Variants in PCDH9 observed in about 807,000 individuals in gnomAD.
PCDH9 encodes the protein protocadherin-9.
In PCDH9, 24 loss-of-function variants were observed where a neutral mutation model predicts 70.6. The observed-to-expected ratio is 0.34, with a 90% CI of 0.25 to 0.48. The LOEUF (loss-of-function observed/expected upper bound fraction) is 0.48. Among genes scored for constraint, PCDH9 ranks in the 20% least tolerant of loss-of-function variants. PCDH9 has a pLI of 0.99. For synonymous variants in PCDH9, 562 were observed against 558.5 expected (o/e 1.01, Z -0.09); for missense variants, 1,281 against 1,503.6 (o/e 0.85, Z 2.45).
At chr13:67,100,755 C>T (rs2086415877) in intron 2 of PCDH9, among the ~76,000 whole-genome samples, 1 of 152,134 alleles carries the variant, frequency 6.6e-6, no homozygotes, top group Non-Finnish European at 1.5e-5. Context: ...GAATTTCATT[C>T]CTTGGTTGCT....
At chr13:66,970,504 G>T (rs1169448357) in intron 2 of PCDH9, among the ~76,000 whole-genome samples, 4 of 151,378 alleles carry the variant, frequency 2.6e-5, no homozygotes, top group Non-Finnish European at 4.4e-5. Context: ...ATCAGGTGTA[G>T]TGATGCATGT....
At chr13:66,745,392 G>C (rs775132060) in intron 3 of PCDH9, among the ~76,000 whole-genome samples, 3 of 152,184 alleles carry the variant, frequency 2.0e-5, no homozygotes, top group Non-Finnish European at 4.4e-5. Context: ...AATGTGACCG[G>C]AATAATATGC....
chr13:66,347,969 C>A (rs1024544896), intron 4 of PCDH9, among the ~76,000 whole-genome samples: 1 of 152,208 alleles, frequency 6.6e-6, no homozygotes, highest in African/African-American at 2.4e-5. Flanking sequence ...ATTCAAATAG[C>A]AGCCTTTCTT....
At chr13:66,990,728 T>C (rs897301078) in intron 2 of PCDH9, among the ~76,000 whole-genome samples, 1 of 151,480 alleles carries the variant, frequency 6.6e-6, no homozygotes, top group African/African-American at 2.4e-5. Context: ...GAGGGTAAAG[T>C]AGATGTTTCC....
chr13:66,591,360 T>C (rs1032155212), intron 4 of PCDH9, among the ~76,000 whole-genome samples: 1 of 151,650 alleles, frequency 6.6e-6, no homozygotes, highest in African/African-American at 2.4e-5. Flanking sequence ...ATCTGGATTT[T>C]TCTAATACTG....
At chr13:66,888,705 G>C in intron 3 of PCDH9, among the ~76,000 whole-genome samples, 1 of 152,014 alleles carries the variant, frequency 6.6e-6, no homozygotes, top group East Asian at 1.9e-4. Flanking sequence ...TCAGAAAAAG[G>C]AGGCAGAGAA....
At chr13:66,456,300 G>T (rs1594010572) in intron 4 of PCDH9, among the ~76,000 whole-genome samples, 1 of 152,112 alleles carries the variant, frequency 6.6e-6, no homozygotes, top group South Asian at 2.1e-4. Context: ...TGGCTGTGTT[G>T]TCCCAGCCTG....
At chr13:67,144,402 G>A (rs1037272231) in intron 2 of PCDH9, among the ~76,000 whole-genome samples, 6 of 152,080 alleles carry the variant, frequency 3.9e-5, no homozygotes, top group African/African-American at 7.2e-5. Flanking sequence ...ATATCCTGTC[G>A]TTGGAACTGT....
At chr13:66,436,857 GTT>G (rs35606785) in intron 4 of PCDH9, among the ~76,000 whole-genome samples, 5,735 of 151,928 alleles carry the variant, frequency 0.038, 341 homozygotes, top group African/African-American at 0.13. Context: ...AGTGTGCCAA[GTT>G]TTTTTATTGA....
chr13:66,837,903 C>T (rs1446106471), intron 3 of PCDH9, among the ~76,000 whole-genome samples: 1 of 151,918 alleles, frequency 6.6e-6, no homozygotes, highest in African/African-American at 2.4e-5. Context: ...TCTTCCTCTC[C>T]CATTTCAATC....
chr13:66,608,144 A>AC (rs2077244538), intron 4 of PCDH9, among the ~76,000 whole-genome samples: 2 of 150,980 alleles, frequency 1.3e-5, no homozygotes, highest in South Asian at 4.2e-4. Flanking sequence ...AAAACACAAG[A>AC]GAGATATATG....
At chr13:67,194,585 T>C (rs2089009025) in intron 2 of PCDH9, among the ~76,000 whole-genome samples, 1 of 152,164 alleles carries the variant, frequency 6.6e-6, no homozygotes, top group African/African-American at 2.4e-5. Context: ...CAAATAAAAG[T>C]CGGATCATGT....
intron 4 of PCDH9, among the ~76,000 whole-genome samples, chr13:66,329,709 C>A (rs983735435): frequency 1.3e-5 from 2 of 152,120 alleles, no homozygotes; most frequent in Non-Finnish European, 2.9e-5. Context: ...TCTTAATAGA[C>A]TAATGTGTGC....
At chr13:66,498,613 A>G (rs1186426665) in intron 4 of PCDH9, among the ~76,000 whole-genome samples, 1 of 152,192 alleles carries the variant, frequency 6.6e-6, no homozygotes, top group African/African-American at 2.4e-5. Context: ...GCCATATATA[A>G]TTCCCAACCC....
At chr13:66,830,313 A>C (rs2139405189) in intron 3 of PCDH9, among the ~76,000 whole-genome samples, 1 of 152,262 alleles carries the variant, frequency 6.6e-6, no homozygotes, top group African/African-American at 2.4e-5. Flanking sequence ...AGGCTGCTTC[A>C]TTTGGGGCAC....
chr13:66,655,929 A>G (rs2077922253), intron 3 of PCDH9, among the ~76,000 whole-genome samples: 1 of 152,046 alleles, frequency 6.6e-6, no homozygotes, highest in South Asian at 2.1e-4. Context: ...AATGGAAAAC[A>G]ATTAACACAG....
chr13:66,980,119 T>A (rs1176113936), intron 2 of PCDH9, among the ~76,000 whole-genome samples: 1 of 151,762 alleles, frequency 6.6e-6, no homozygotes. Flanking sequence ...TATCTATCTA[T>A]CTATCTATCT....
At chr13:66,916,242 T>G (rs541415217) in intron 2 of PCDH9, among the ~76,000 whole-genome samples, 2 of 151,698 alleles carry the variant, frequency 1.3e-5, no homozygotes, top group South Asian at 4.1e-4. Flanking sequence ...GAAAGTACCT[T>G]TGAACTCTGC....
intron 2 of PCDH9, among the ~76,000 whole-genome samples, chr13:67,156,740 A>G (rs1456421649): frequency 6.6e-6 from 1 of 152,216 alleles, no homozygotes; most frequent in Admixed American, 6.5e-5. Flanking sequence ...ACACAAGCCT[A>G]TAGATGGCAC....
Sources: gnomAD v4.1 joint callset for allele counts (sites outside exome capture counted in the v4.1 genomes callset) on GRCh38, gnomAD v4.1.1 for gene constraint, MANE v1.5 for transcripts, NCBI Gene and HGNC (gene_info 2026-07-23, HGNC 2026-07-21) for gene names.